The following PLA2G4A variants were observed in gnomAD, a reference collection of about 807,000 sequenced individuals.
PLA2G4A encodes the protein cytosolic phospholipase A2.
Under a neutral mutation model 81.9 loss-of-function variants are expected in PLA2G4A, and 40 were observed. The ratio of observed to expected loss-of-function variants is 0.49; its 90% confidence interval spans 0.38 to 0.64. PLA2G4A has a LOEUF of 0.64. PLA2G4A is among the 30% of genes least tolerant of loss of function. The pLI, the probability that PLA2G4A is intolerant of heterozygous loss-of-function variation, is 0.00. For missense variants in PLA2G4A, 715 were observed against 905.1 expected (o/e 0.79, Z 2.69); for synonymous variants, 302 against 296.9 (o/e 1.02, Z -0.18).
chr1:186,942,580 A>G (rs1331102874), intron 10 of PLA2G4A, among the ~76,000 whole-genome samples: 3 of 152,158 alleles, frequency 2.0e-5, no homozygotes, highest in African/African-American at 7.2e-5. Flanking sequence ...AGGCATACAA[A>G]TATAAAAGTT....
chr1:186,948,603 G>C (rs1265837246), intron 12 of PLA2G4A, among the ~76,000 whole-genome samples: 2 of 152,030 alleles, frequency 1.3e-5, no homozygotes, highest in African/African-American at 4.8e-5. Flanking sequence ...AGATAACCCA[G>C]GGTTTGCTGT....
At chr1:186,957,784 T>A (rs868591869) in intron 14 of PLA2G4A, among the ~76,000 whole-genome samples, 2 of 152,244 alleles carry the variant, frequency 1.3e-5, no homozygotes, top group Admixed American at 6.5e-5. Flanking sequence ...TGTTATAAAG[T>A]TAAATTTGCT....
intron 2 of PLA2G4A, among the ~76,000 whole-genome samples, chr1:186,857,758 C>A (rs944113673): frequency 1.3e-5 from 2 of 151,896 alleles, no homozygotes; most frequent in East Asian, 3.9e-4. Context: ...CCCAGCCCCC[C>A]ACACCCCTGA....
In PLA2G4A at chr1:186,850,011, T is replaced by C. The variant is rs759985603; in HGVS notation, c.-69-4275T>C. Among the ~76,000 whole-genome samples the C allele has an allele frequency of 3.3e-5, 5 of 152,040 alleles. No individual in the cohort carries two copies. The South Asian group carries it at 8.3e-4, about 25-fold the overall frequency. ...TTAGCATAGAAAGCAAAAGGGAAAG[T>C]AGTGGTATGGGGCTGAGGAAGTAGA... On this transcript the variant is annotated intron_variant, in intron 1 of 17. Transcript: ENST00000367466.
intron 3 of PLA2G4A, among the ~76,000 whole-genome samples, chr1:186,877,285 C>T (rs906153810): frequency 3.9e-5 from 6 of 151,966 alleles, no homozygotes; most frequent in African/African-American, 9.7e-5. Context: ...AACGAGTTGA[C>T]GTATGCAAAG....
chr1:186,966,510 A>G (rs1284031269), intron 15 of PLA2G4A, among the ~76,000 whole-genome samples: 4 of 152,170 alleles, frequency 2.6e-5, no homozygotes, highest in Non-Finnish European at 5.9e-5. Flanking sequence ...GAAGTTTTAT[A>G]GGAATTAGGA....
At chr1:186,861,653 T>A (rs1412083574) in intron 2 of PLA2G4A, among the ~76,000 whole-genome samples, 2 of 152,100 alleles carry the variant, frequency 1.3e-5, no homozygotes, top group African/African-American at 4.8e-5. Context: ...ATCATCCTAT[T>A]TTATAGGAGT....
chr1:186,864,646 A>ATTG (rs1398900719), intron 2 of PLA2G4A, among the ~76,000 whole-genome samples: 3 of 44,848 alleles, frequency 6.7e-5, no homozygotes, highest in African/African-American at 1.8e-4. Flanking sequence ...TAAAAATCAG[A>ATTG]TTATTATTAT....
At chr1:186,869,111 G>A (rs187440710) in intron 2 of PLA2G4A, among the ~76,000 whole-genome samples, 3 of 151,874 alleles carry the variant, frequency 2.0e-5, no homozygotes, top group Admixed American at 2.0e-4. Flanking sequence ...CCCTAAGGTG[G>A]TAACTTAGAT....
At chr1:186,890,250 G>C (rs1250051321) in intron 3 of PLA2G4A, among the ~76,000 whole-genome samples, 1 of 152,196 alleles carries the variant, frequency 6.6e-6, no homozygotes, top group African/African-American at 2.4e-5. Context: ...GTTAGCTTCT[G>C]AAGATGTACA....
rs1365590798 is a variant in PLA2G4A at position 186,916,172 on chromosome 1, CTT to C, written c.558+4784_558+4785del. Among the ~76,000 whole-genome samples, 152 of 12,434 alleles carry C rather than the reference CTT, an allele frequency of 0.012. 2 individuals carry two copies. The East Asian group carries it at 0.43, about 35-fold the overall frequency. The allele number at this position is 12,434 out of a possible 152,430, so 8.2% of individuals were successfully genotyped here. On this transcript the variant is annotated intron_variant, in intron 7 of 17. Coordinates refer to ENST00000367466, the MANE Select transcript of PLA2G4A (RefSeq NM_024420.3). ...ACTGGCTCAGGAGAGCGTTCGTAAA[CTT>C]CTCCTCCTCGAACCAAGATATTTAC...
intron 15 of PLA2G4A, among the ~76,000 whole-genome samples, chr1:186,975,446 G>A (rs1389024424): frequency 6.6e-6 from 1 of 152,172 alleles, no homozygotes; most frequent in Non-Finnish European, 1.5e-5. Context: ...TCAATGAAAA[G>A]TGTATTTTTC....
intron 7 of PLA2G4A, among the ~76,000 whole-genome samples, chr1:186,914,578 C>T (rs1436206630): frequency 6.6e-6 from 1 of 152,070 alleles, no homozygotes. Context: ...GGGTACATGA[C>T]TGGGGGCTGC....
Position 186,875,997 on chromosome 1 carries a change from T to A in PLA2G4A, c.115+5481T>A, listed in dbSNP as rs183839440. On this transcript the variant is annotated intron_variant, in intron 3 of 17. Coordinates refer to ENST00000367466, the MANE Select transcript of PLA2G4A (RefSeq NM_024420.3). ...GAATGAAAAAGTTTTTTTGAATGTT[T>A]TAGACCACGTGCTTTCTTGTGGGGA... Among the ~76,000 whole-genome samples, 1,256 of 152,228 alleles carry A rather than the reference T, an allele frequency of 8.3e-3. 16 individuals are homozygous for A. The highest frequency in any genetic ancestry group is 0.028 in the African/African-American group (1,183 of 41,560).
intron 8 of PLA2G4A, among the ~76,000 whole-genome samples, chr1:186,935,736 T>G (rs1038935531): frequency 1.3e-5 from 2 of 151,874 alleles, no homozygotes; most frequent in South Asian, 4.2e-4. Context: ...CGGAAAGTCT[T>G]GGAAAAACAC....
chr1:186,908,363 C>T (rs1233546110), intron 6 of PLA2G4A, among the ~76,000 whole-genome samples: 1 of 151,676 alleles, frequency 6.6e-6, no homozygotes, highest in South Asian at 2.1e-4. Flanking sequence ...TTATATATAA[C>T]AGAACAGTAT....
At chr1:186,845,498 A>C (rs1166913239) in intron 1 of PLA2G4A, among the ~76,000 whole-genome samples, 1 of 152,146 alleles carries the variant, frequency 6.6e-6, no homozygotes, top group Non-Finnish European at 1.5e-5. Context: ...GACAGGCTAG[A>C]ACTTGGGTCA....
chr1:186,856,264 A>G (rs1652548315), intron 2 of PLA2G4A, among the ~76,000 whole-genome samples: 1 of 148,370 alleles, frequency 6.7e-6, no homozygotes, highest in African/African-American at 2.5e-5. Context: ...TCAGTAATGT[A>G]TTATAGTTTT....
intron 15 of PLA2G4A, among the ~76,000 whole-genome samples, chr1:186,976,657 T>A (rs1052978692): frequency 1.3e-5 from 2 of 152,166 alleles, no homozygotes; most frequent in Admixed American, 1.3e-4. Context: ...ACTATGATAT[T>A]CTGCTTCTTA....
Sources: allele counts gnomAD v4.1 joint callset (sites outside exome capture counted in the v4.1 genomes callset), GRCh38; gene constraint gnomAD v4.1.1; transcripts MANE v1.5; gene names NCBI Gene and HGNC (gene_info 2026-07-23, HGNC 2026-07-21).